The following PKP4 variants were observed in gnomAD, a reference collection of about 807,000 sequenced individuals.
PKP4 encodes plakophilin 4, also known as plakophilin-4.
In PKP4, 90 loss-of-function variants were observed where a neutral mutation model predicts 145.1. The observed-to-expected ratio is 0.62, with a 90% CI of 0.52 to 0.74. The LOEUF (loss-of-function observed/expected upper bound fraction) is 0.74, where lower values mean the gene tolerates loss of function less well. Ranked by LOEUF, PKP4 falls within the 30% of genes least tolerant of loss-of-function variation. The pLI is 0.00. For synonymous variants in PKP4, 563 were observed against 577.2 expected (o/e 0.98, Z 0.35); for missense variants, 1,340 against 1,482.7 (o/e 0.90, Z 1.58).
intron 1 of PKP4, among the ~76,000 whole-genome samples, chr2:158,467,597 G>A (rs1690838498): frequency 6.7e-6 from 1 of 149,012 alleles, no homozygotes; most frequent in South Asian, 2.1e-4. Flanking sequence ...TGTAATCTAA[G>A]CACTGTCAGA....
At chr2:158,500,773 G>A (rs1057304287) in intron 1 of PKP4, among the ~76,000 whole-genome samples, 1 of 152,178 alleles carries the variant, frequency 6.6e-6, no homozygotes, top group Non-Finnish European at 1.5e-5. Flanking sequence ...ATCTGGGAGA[G>A]GGCATGAACT....
rs112896220 is a variant in PKP4, at chr2:158,621,355, A to G, written c.537A>G (p.Ser179=). ...AGGCAGACAACAGACAGCAGCATTC[A>G]TTCATAGGATCAACTAACAACCATG... The part of the protein sequence containing the change: ...VSKADNRQQH[S]FIGSTNNHVV... Residue 179 remains serine (S), a synonymous_variant, in exon 6 of 22, where the codon TCA becomes TCG. Transcript: ENST00000389759. 3 of 1,614,086 alleles carry G rather than the reference A, an allele frequency of 1.9e-6. No homozygotes were observed. The highest frequency in any genetic ancestry group is 2.7e-5 in the African/African-American group (2 of 74,944).
At chr2:158,623,445 T>C (rs1259036493) in intron 6 of PKP4, among the ~76,000 whole-genome samples, 1 of 152,040 alleles carries the variant, frequency 6.6e-6, no homozygotes, top group Non-Finnish European at 1.5e-5. Context: ...AGTCTCCCAA[T>C]GTGTAGGGAT....
At chr2:158,679,607 C>A (rs771828035) in intron 21 of PKP4, among the ~76,000 whole-genome samples, 2 of 152,116 alleles carry the variant, frequency 1.3e-5, no homozygotes, top group Non-Finnish European at 2.9e-5. Flanking sequence ...TGGGCATAAT[C>A]AAGAACATAG....
At chr2:158,487,323 T>C (rs1332215424) in intron 1 of PKP4, among the ~76,000 whole-genome samples, 1 of 152,220 alleles carries the variant, frequency 6.6e-6, no homozygotes, top group Non-Finnish European at 1.5e-5. Context: ...CATTTACTGG[T>C]TGTCTTCACC....
rs200994124 is a variant in PKP4 at position 158,625,134 on chromosome 2, G to T, written c.860G>T (p.Arg287Leu). 3 of 1,614,046 alleles carry T rather than the reference G, an allele frequency of 1.9e-6. No individual in the cohort carries two copies. The highest frequency in any genetic ancestry group is 2.2e-5 in the South Asian group (2 of 91,080). The change falls in exon 7 of 22, where the codon CGG becomes CTG. Residue 287 changes from arginine (R) to leucine (L), a missense_variant. Arg to Leu is a moderately radical substitution (Grantham distance 102). Transcript: ENST00000389759. ...QRPASPTAIR[R>L]IGSVTSRQTS... The stretch of plus-strand genomic sequence containing the variant: ...CCCGCCTCCCCAACAGCTATACGGC[G>T]GATTGGGTCAGTCACCTCCCGGCAG...
Position 158,538,646 on chromosome 2 carries a change from T to C in PKP4, c.132+5330T>C, listed in dbSNP as rs578135279. Among the ~76,000 whole-genome samples, 63 of 149,966 alleles carry C rather than the reference T, an allele frequency of 4.2e-4. No individual in the cohort carries two copies. In the South Asian group the frequency reaches 4.3e-3, roughly 10 times the overall value. On this transcript the variant is annotated intron_variant, in intron 2 of 21. Coordinates refer to ENST00000389759, the MANE Select transcript of PKP4 (RefSeq NM_003628.6). ...CCTCCGCCTTCTGGGTTCAAGCAACTCTTCTGCCTCAGCCTCCCAAGAGTA... is the reference window on the plus strand; with the variant it reads ...CCTCCGCCTTCTGGGTTCAAGCAACCCTTCTGCCTCAGCCTCCCAAGAGTA...
chr2:158,624,821 G>A, intron 6 of PKP4, 57 bp from the exon 7 acceptor site: 1 of 1,350,526 alleles, frequency 7.4e-7, no homozygotes, highest in Non-Finnish European at 1.0e-6. Context: ...TTTTGTAATG[G>A]CAATGAACAC....
At chr2:158,526,100 T>A (rs1347372101) in intron 1 of PKP4, among the ~76,000 whole-genome samples, 3 of 151,178 alleles carry the variant, frequency 2.0e-5, no homozygotes, top group Admixed American at 2.0e-4. Context: ...TTCCAATGAA[T>A]AGAAAAAGAG....
intron 2 of PKP4, among the ~76,000 whole-genome samples, chr2:158,567,794 G>T (rs112310053): frequency 6.6e-6 from 1 of 152,194 alleles, no homozygotes; most frequent in Non-Finnish European, 1.5e-5. Context: ...TTTTGCAGTA[G>T]TCTAAATTAA....
chr2:158,597,726 C>CTATGGTT, intron 3 of PKP4, among the ~76,000 whole-genome samples: 1 of 152,198 alleles, frequency 6.6e-6, no homozygotes, highest in Non-Finnish European at 1.5e-5. Context: ...TTGTTATTGG[C>CTATGGTT]TATGGTTTAT....
chr2:158,539,595 T>G (rs2044344920), intron 2 of PKP4, among the ~76,000 whole-genome samples: 1 of 152,226 alleles, frequency 6.6e-6, no homozygotes, highest in Non-Finnish European at 1.5e-5. Context: ...AACTTAGTTA[T>G]TTTTCCAATT....
At chr2:158,533,377 CTTTGGATATG>C (rs1430041624) in intron 2 of PKP4, 61 bp downstream of exon 2, 5 of 1,575,536 alleles carry the variant, frequency 3.2e-6, no homozygotes, top group Non-Finnish European at 4.4e-6. Flanking sequence ...AAAAATTAAT[CTTTGGATATG>C]TTTTAAATTT....
intron 4 of PKP4, among the ~76,000 whole-genome samples, chr2:158,619,769 A>T (rs1199387091): frequency 6.6e-6 from 1 of 152,204 alleles, no homozygotes; most frequent in Non-Finnish European, 1.5e-5. Flanking sequence ...AGGATATAAC[A>T]AACCAGATAA....
intron 1 of PKP4, among the ~76,000 whole-genome samples, chr2:158,499,251 TC>T (rs1347678394): frequency 1.3e-5 from 2 of 151,998 alleles, no homozygotes; most frequent in African/African-American, 4.8e-5. Flanking sequence ...CCCTTTCATA[TC>T]AAAACTGAAG....
chr2:158,466,957 T>C (rs908552334), intron 1 of PKP4, among the ~76,000 whole-genome samples: 1 of 152,202 alleles, frequency 6.6e-6, no homozygotes, highest in Admixed American at 6.5e-5. Context: ...GAAGTAGATA[T>C]AATTTAAAGC....
At chr2:158,553,345 G>A (rs1403664954) in intron 2 of PKP4, among the ~76,000 whole-genome samples, 14 of 152,286 alleles carry the variant, frequency 9.2e-5, no homozygotes, top group East Asian at 5.8e-4. Context: ...ATGTGACTCC[G>A]CAGAAATCAG....
At position 158,603,736 on chromosome 2, in the gene PKP4, A is replaced by G. The variant is rs571536113; in HGVS notation, c.280+632A>G. Among the ~76,000 whole-genome samples, 8 of 152,318 alleles carry G rather than the reference A, an allele frequency of 5.3e-5. No homozygotes were observed. In the South Asian group the frequency reaches 1.2e-3, roughly 24 times the overall value. On this transcript the variant is annotated intron_variant, in intron 4 of 21. Transcript: ENST00000389759. ...GCTGTGCACATTGCTGGGCAGAGTG[A>G]TGGGCATAACACACACTTGTCCCTG...
intron 6 of PKP4, among the ~76,000 whole-genome samples, chr2:158,624,495 A>G (rs1336145110): frequency 6.6e-6 from 1 of 152,244 alleles, no homozygotes; most frequent in East Asian, 1.9e-4. Flanking sequence ...GGAATGAAGT[A>G]AGTACATTGT....
Sources: gnomAD v4.1 joint callset for allele counts (sites outside exome capture counted in the v4.1 genomes callset) on GRCh38, gnomAD v4.1.1 for gene constraint, MANE v1.5 for transcripts, NCBI Gene and HGNC (gene_info 2026-07-23, HGNC 2026-07-21) for gene names.